TMEM150B: variants seen among roughly 807,000 people sequenced by gnomAD.
TMEM150B encodes transmembrane protein 150B.
TMEM150B carries 33 observed loss-of-function variants against 25.2 expected under a neutral mutation model. The ratio of observed to expected loss-of-function variants is 1.31; its 90% CI spans 0.99 to 1.75. The LOEUF (loss-of-function observed/expected upper bound fraction) is 1.75, where lower values mean the gene tolerates loss of function less well. TMEM150B is among the 40% of genes most tolerant of loss of function. The probability of loss-of-function intolerance (pLI) is 0.00; values close to 1 mark genes in which losing one functional copy is unlikely to be tolerated. For missense variants in TMEM150B, 322 were observed against 306.1 expected, an observed-to-expected ratio of 1.05 and a Z score of -0.39; for synonymous variants, 133 against 134.8, an observed-to-expected ratio of 0.99 and a Z score of 0.09.
downstream of TMEM150B, among the ~76,000 whole-genome samples, chr19:55,310,688 A>G (rs1285864166): frequency 6.6e-6 from 1 of 152,144 alleles, no homozygotes; most frequent in Non-Finnish European, 1.5e-5. The surrounding 1 kb of genome is among the most constrained non-coding windows in gnomAD (Gnocchi z 5.0). Flanking sequence ...ACAGCCCCCC[A>G]CGACAGCTGG....
At chr19:55,322,282 G>T (rs1277611903) in intron 2 of TMEM150B, among the ~76,000 whole-genome samples, 1 of 152,158 alleles carries the variant, frequency 6.6e-6, no homozygotes, top group Non-Finnish European at 1.5e-5. Flanking sequence ...AGCCCAGCCA[G>T]CAGGGACAGG....
chr19:55,320,579 C>G lies in TMEM150B; in HGVS notation c.107G>C (p.Ser36Thr). 1 of 1,613,928 alleles carries G rather than the reference C, an allele frequency of 6.2e-7. No homozygotes were observed. Among genetic ancestry groups the G allele is most frequent in the South Asian group, 1.1e-5 (1 of 91,074 alleles). Residue 36 changes from serine (S) to threonine (T), a missense_variant, in exon 4 of 8, where the codon AGT becomes ACT. Physicochemically the swap from Ser to Thr is moderately conservative, Grantham distance 58. Transcript: ENST00000326652. The stretch of plus-strand genomic sequence containing the variant: ...TTACCTGATGTAGGGAAAGCCTTTA[C>G]TGAGGTCCACAGTCCTGTTGGTCAC... ...IAVTNRTVDL[S>T]KGFPYISICG...
intron 7 of TMEM150B, 123 bp downstream of exon 7, chr19:55,316,663 T>G: frequency 9.3e-7 from 1 of 1,070,070 alleles, no homozygotes; most frequent in Non-Finnish European, 1.3e-6. Flanking sequence ...AAAGCCATAA[T>G]CCTGTGCAAA....
In TMEM150B at chr19:55,316,828, G is replaced by A. The variant is rs770190658; in HGVS notation, c.463C>T (p.Arg155Cys). ...GTGCAGACGCTGCAGAGGCCCAGGC[G>A]GAGGGGCCCAATCCAGGCAGCCCCG... ...QPGAAWIGPL[R>C]LGLCSVCTIL... Residue 155 changes from arginine (R) to cysteine (C), a missense_variant, in exon 7 of 8, where the codon CGC becomes TGC. Physicochemically the swap from Arg to Cys is radical, Grantham distance 180. Transcript: ENST00000326652. The A allele has an allele frequency of 2.9e-5, 45 of 1,576,924 alleles. No homozygotes were observed. Among genetic ancestry groups the A allele is most frequent in the South Asian group, 1.4e-4 (12 of 85,864 alleles).
chr19:55,312,104 A>G, downstream of TMEM150B: 2 of 944,004 alleles, frequency 2.1e-6, no homozygotes, highest in Non-Finnish European at 3.0e-6. Flanking sequence ...ACCCCCCTCC[A>G]CCCCCCTTCC....
Position 55,321,059 on chromosome 19 carries a change from T to C in TMEM150B, c.-23A>G. 1 of 1,608,544 alleles carries C rather than the reference T, an allele frequency of 6.2e-7. No individual in the cohort carries two copies. Among genetic ancestry groups the C allele is most frequent in the Non-Finnish European group, 8.5e-7 (1 of 1,177,250 alleles). ...CATGCCGGGCTCTGCAGGTGAAGGA[T>C]CGGGGCTGAGGCTGGACACCTGTCT... is the stretch of plus-strand genomic sequence containing the variant. On this transcript the variant is annotated 5_prime_UTR_variant, in exon 3 of 8. Transcript: ENST00000326652.
intron 7 of TMEM150B, 128 bp from the exon 8 acceptor site, chr19:55,313,183 T>G: frequency 1.0e-6 from 1 of 955,684 alleles, no homozygotes; most frequent in South Asian, 1.7e-5. Flanking sequence ...CCTTCCCCCG[T>G]AGCTCCTCAC....
intron 6 of TMEM150B, among the ~76,000 whole-genome samples, chr19:55,318,757 G>T (rs556601276): frequency 6.6e-6 from 1 of 152,200 alleles, no homozygotes; most frequent in Admixed American, 6.5e-5. Flanking sequence ...GCCAATGGCT[G>T]CCAAATGCTC....
downstream of TMEM150B, chr19:55,311,845 C>A (rs933367946): frequency 1.7e-4 from 260 of 1,543,540 alleles, no homozygotes; most frequent in Non-Finnish European, 2.1e-4. Flanking sequence ...CTGCCCCCAT[C>A]CCCTGGTAAT....
downstream of TMEM150B, chr19:55,312,218 C>T (rs1017606047): frequency 2.8e-5 from 12 of 425,540 alleles, no homozygotes; most frequent in South Asian, 1.8e-4. Flanking sequence ...CTCCACAGGC[C>T]GTGCCCAACT....
intron 6 of TMEM150B, chr19:55,319,657 C>T: frequency 3.8e-6 from 3 of 786,086 alleles, no homozygotes; most frequent in African/African-American, 1.9e-5. Flanking sequence ...TGTTGGTTGG[C>T]CAGGCTGGTC....
chr19:55,316,539 G>A lies in TMEM150B; in HGVS notation c.505+247C>T, dbSNP rs371561381. Among the ~76,000 whole-genome samples, 122 of 152,104 alleles carry A rather than the reference G, an allele frequency of 8.0e-4. 2 individuals carry two copies. The South Asian group carries it at 0.024, about 30-fold the overall frequency. On this transcript the variant is annotated intron_variant, in intron 7 of 7. Coordinates refer to ENST00000326652, the MANE Select transcript of TMEM150B (RefSeq NM_001282011.2). ...TCGTTATCCACATTTGAGGGATGACGAAACCATTGACACCGAGAAGTAACA... is the reference window on the plus strand; with the variant it reads ...TCGTTATCCACATTTGAGGGATGACAAAACCATTGACACCGAGAAGTAACA...
intron 6 of TMEM150B, 150 bp from the exon 7 acceptor site, chr19:55,317,116 C>T: frequency 1.5e-6 from 1 of 655,242 alleles, no homozygotes; most frequent in East Asian, 3.2e-5. Context: ...CAGCTATTGT[C>T]AGCTCCACGA....
chr19:55,316,857 T>A lies in TMEM150B; in HGVS notation c.434A>T (p.Gln145Leu). The change falls in exon 7 of 8, where the codon CAG becomes CTG. Residue 145 changes from glutamine to leucine, a missense_variant. Physicochemically the swap from Gln to Leu is moderately radical, Grantham distance 113. Coordinates refer to ENST00000326652, the MANE Select transcript of TMEM150B (RefSeq NM_001282011.2). The stretch of plus-strand genomic sequence containing the variant: ...GGGCCCAATCCAGGCAGCCCCGGGC[T>A]GGGGCAGCCTCTTCAGCCTCCACAG... ...LLLWRLKRLP[Q>L]PGAAWIGPLR... The A allele has an allele frequency of 6.3e-7, 1 of 1,595,030 alleles. No homozygotes were observed.
At chr19:55,317,448 C>T (rs1019483919) in intron 6 of TMEM150B, among the ~76,000 whole-genome samples, 4 of 152,154 alleles carry the variant, frequency 2.6e-5, no homozygotes, top group Non-Finnish European at 5.9e-5. Flanking sequence ...GAGTTCAAGA[C>T]CCACCTGAGC....
rs373223061 is a variant in TMEM150B, at chr19:55,312,972, C to T, written c.589G>A (p.Gly197Ser). Residue 197 changes from glycine (G) to serine (S), a missense_variant, in exon 8 of 8, where the codon GGT becomes AGT. Gly to Ser is a moderately conservative substitution (Grantham distance 56). Coordinates refer to ENST00000326652, the MANE Select transcript of TMEM150B (RefSeq NM_001282011.2). The part of the protein sequence containing the change: ...VVAMLLFALF[G>S]LLAVDFSALE... ...GCGGAGAAGTCAACGGCTAAGAGAC[C>T]GAAGAGCGCGAACAGCAGCATGGCC... is the stretch of plus-strand genomic sequence containing the variant. The T allele has an allele frequency of 8.7e-6, 14 of 1,613,582 alleles. No individual in the cohort carries two copies. Among genetic ancestry groups the T allele is most frequent in the East Asian group, 4.5e-5 (2 of 44,870 alleles).
At chr19:55,318,758 C>T (rs1475063099) in intron 6 of TMEM150B, among the ~76,000 whole-genome samples, 1 of 152,132 alleles carries the variant, frequency 6.6e-6, no homozygotes, top group African/African-American at 2.4e-5. Flanking sequence ...CCAATGGCTG[C>T]CAAATGCTCA....
downstream of TMEM150B, among the ~76,000 whole-genome samples, chr19:55,311,029 C>T (rs1022467106): frequency 2.0e-5 from 3 of 152,124 alleles, no homozygotes; most frequent in Non-Finnish European, 4.4e-5. Flanking sequence ...GGCGCGATCT[C>T]AGCTCACTGC....
chr19:55,314,107 T>C (rs1374405922), intron 7 of TMEM150B, among the ~76,000 whole-genome samples: 1 of 152,142 alleles, frequency 6.6e-6, no homozygotes, highest in Non-Finnish European at 1.5e-5. Flanking sequence ...CTGCAACCTC[T>C]GCCTCCCAGG....
Sources: allele counts gnomAD v4.1 joint callset (sites outside exome capture counted in the v4.1 genomes callset), GRCh38; gene constraint gnomAD v4.1.1; non-coding constraint Gnocchi (gnomAD v3.1); transcripts MANE v1.5; gene names NCBI Gene and HGNC (gene_info 2026-07-23, HGNC 2026-07-21).